The following C16orf89 variants were observed in gnomAD, a reference collection of about 807,000 sequenced individuals.
C16orf89 encodes the protein UPF0764 protein C16orf89.
In C16orf89, 57 loss-of-function variants were observed where a neutral mutation model predicts 41.5. The ratio of observed to expected loss-of-function variants is 1.38; its 90% CI spans 1.11 to 1.71. The LOEUF (loss-of-function observed/expected upper bound fraction) is 1.71. C16orf89 is among the 40% of genes most tolerant of loss of function. The pLI, the probability that C16orf89 is intolerant of heterozygous loss-of-function variation, is 0.00. For missense variants in C16orf89, 575 were observed against 445.9 expected, an observed-to-expected ratio of 1.29 and a Z score of -2.61; for synonymous variants, 223 against 190.6, an observed-to-expected ratio of 1.17 and a Z score of -1.40.
intron 6 of C16orf89, among the ~76,000 whole-genome samples, chr16:5,050,495 T>C (rs1177782096): frequency 6.6e-6 from 1 of 151,990 alleles, no homozygotes; most frequent in Admixed American, 6.6e-5. Flanking sequence ...GAATGTGTAA[T>C]AAAAAGTCTC....
In C16orf89 at chr16:5,044,449, C is replaced by T. The variant is rs1411102979; in HGVS notation, c.985G>A (p.Ala329Thr). Residue 329 changes from alanine (A) to threonine (T), a missense_variant, in exon 8 of 8, where the codon GCA becomes ACA. By Grantham distance (58) the Ala-to-Thr change is moderately conservative (BLOSUM62 0). Transcript: ENST00000472572. ...DGCSSHNTAT[A>T]VAALGGFLYI... The stretch of plus-strand genomic sequence containing the variant: ...AGGAAGCCACCCAGGGCTGCCACTG[C>T]TGTGGCTGTGTTGTGGGAGGAGCAG... 7 of 1,612,822 alleles carry T rather than the reference C, an allele frequency of 4.3e-6. No individual in the cohort carries two copies. In the Admixed American group the frequency reaches 1.2e-4, roughly 27 times the overall value.
chr16:5,047,188 C>G (rs1469853481), intron 7 of C16orf89, among the ~76,000 whole-genome samples: 2 of 152,202 alleles, frequency 1.3e-5, no homozygotes. Context: ...CCTATTAACA[C>G]TGCCTCCTCC....
At chr16:5,060,166 C>T (rs1956586354) in intron 3 of C16orf89, 120 bp downstream of exon 3, 1 of 1,262,784 alleles carries the variant, frequency 7.9e-7, no homozygotes. Flanking sequence ...GGGAGCTGCA[C>T]CTGTGTCTGC....
intron 2 of C16orf89, among the ~76,000 whole-genome samples, chr16:5,062,110 C>A (rs8053916): frequency 6.6e-6 from 1 of 152,138 alleles, no homozygotes; most frequent in African/African-American, 2.4e-5. Context: ...ATACTCTCCC[C>A]TCTGGGACAG....
In C16orf89 at chr16:5,065,119, T is replaced by TGTGC. The variant is rs796074601; in HGVS notation, c.208+578_208+581dup. 1.8e-4 allele frequency among the ~76,000 whole-genome samples: 27 copies of TGTGC among 152,124 alleles called. No homozygotes were observed. In the South Asian group the frequency reaches 5.4e-3, roughly 30 times the overall value. On this transcript the variant is annotated intron_variant, in intron 1 of 7. Transcript: ENST00000472572. The stretch of plus-strand genomic sequence containing the variant: ...CTTGTGTGTGTGATGTGCATGTGTG[T>TGTGC]GTGCGTGCGTGCATGTGTGCTTGTG...
At position 5,062,555 on chromosome 16, in the gene C16orf89, C is replaced by T; in HGVS notation, c.228G>A (p.Arg76=). The T allele has an allele frequency of 6.2e-7, 1 of 1,612,096 alleles. No homozygotes were observed. The highest frequency in any genetic ancestry group is 1.1e-5 in the South Asian group (1 of 90,838). ...RVLEEQLKSV[R]EKWAQEPLLQ... ...GCAGGGGCTCCTGGGCCCACTTCTC[C>T]CGGACACTTTTTAGCTGCTCTGGAA... Residue 76 remains arginine (R), a synonymous_variant, in exon 2 of 8, where the codon CGG becomes CGA. Coordinates refer to ENST00000472572, the MANE Select transcript of C16orf89 (RefSeq NM_001098514.3).
intron 2 of C16orf89, among the ~76,000 whole-genome samples, chr16:5,061,120 G>A (rs1272633100): frequency 1.3e-5 from 2 of 151,202 alleles, no homozygotes; most frequent in Non-Finnish European, 1.5e-5. Context: ...AAATTAGCTG[G>A]GTGTGGTGGC....
chr16:5,045,828 C>CT (rs779315862), intron 7 of C16orf89, among the ~76,000 whole-genome samples: 5 of 152,164 alleles, frequency 3.3e-5, no homozygotes, highest in Non-Finnish European at 5.9e-5. Flanking sequence ...CCTCCTGCTC[C>CT]GTGGGCTTGT....
Position 5,046,584 on chromosome 16 carries a change from C to T in C16orf89, c.955+1294G>A, listed in dbSNP as rs189266970. Among the ~76,000 whole-genome samples the T allele has an allele frequency of 5.8e-3, 882 of 152,216 alleles. 11 individuals carry two copies. Among genetic ancestry groups the T allele is most frequent in the African/African-American group, 0.02 (844 of 41,516 alleles). On this transcript the variant is annotated intron_variant, in intron 7 of 7. Transcript: ENST00000472572. ...CAGGCTGGTCTCAAACTTCTGACCTCAGGTGTTCCACCCGCCTTAGCCTCC... is the reference window on the plus strand; with the variant it reads ...CAGGCTGGTCTCAAACTTCTGACCTTAGGTGTTCCACCCGCCTTAGCCTCC...
intron 6 of C16orf89, among the ~76,000 whole-genome samples, chr16:5,054,580 A>C (rs528356883): frequency 9.2e-4 from 140 of 152,254 alleles, no homozygotes; most frequent in African/African-American, 3.1e-3. Flanking sequence ...TAGAGCCTAG[A>C]TGGTGTCTGG....
chr16:5,060,139 A>C, intron 3 of C16orf89, 147 bp downstream of exon 3: 2 of 963,326 alleles, frequency 2.1e-6, no homozygotes, highest in African/African-American at 3.3e-5. Context: ...AGGAGAGGGC[A>C]GTACCCGGCA....
chr16:5,060,576 C>T, intron 2 of C16orf89, 140 bp from the exon 3 acceptor site: 3 of 865,528 alleles, frequency 3.5e-6, no homozygotes, highest in Non-Finnish European at 5.0e-6. Context: ...CCCCTGGTCC[C>T]AGATTGGGTT....
intron 7 of C16orf89, among the ~76,000 whole-genome samples, chr16:5,046,984 A>G (rs2142600868): frequency 6.6e-6 from 1 of 152,280 alleles, no homozygotes; most frequent in Admixed American, 6.5e-5. Flanking sequence ...TCACTTGCCC[A>G]TTCATTGGCT....
chr16:5,049,905 C>G (rs189406543), intron 6 of C16orf89, among the ~76,000 whole-genome samples: 298 of 151,522 alleles, frequency 2.0e-3, no homozygotes, highest in African/African-American at 6.7e-3. Context: ...ATCAATGAAA[C>G]AAAAAGTTGG....
rs531301214 is a variant in C16orf89 at position 5,055,938 on chromosome 16, C to CGTGTGT, written c.763+109_763+114dup. ...TTTTACTTGCTTAATCTGGCAACTC[C>CGTGTGT]GTGTGTGTGTGTGTGTGTGTGTGTG... On this transcript the variant is annotated intron_variant, in intron 5 of 7. Transcript: ENST00000472572. The CGTGTGT allele has an allele frequency of 3.4e-3, 3,053 of 907,310 alleles. 25 individuals carry two copies. Among genetic ancestry groups the CGTGTGT allele is most frequent in the East Asian group, 0.015 (432 of 29,788 alleles). 56.2% of individuals were successfully genotyped at this position (907,310 alleles called of 1,614,324 possible). A position where few individuals can be genotyped will look rare whatever the true frequency, so the allele number is the denominator to read the frequency against.
At position 5,055,736 on chromosome 16, in the gene C16orf89, G is replaced by C. The variant is rs1596694654; in HGVS notation, c.763+317C>G. On this transcript the variant is annotated intron_variant, in intron 5 of 7. Transcript: ENST00000472572. ...TCACTGGGGCAGCCTTTGGGGGCAGGAAACTGTCACACAGTGGCAGGTAAA... is the reference window on the plus strand; with the variant it reads ...TCACTGGGGCAGCCTTTGGGGGCAGCAAACTGTCACACAGTGGCAGGTAAA... The C allele has an allele frequency of 2.0e-6, 3 of 1,535,218 alleles. No homozygotes were observed. The East Asian group carries it at 7.3e-5, about 38-fold the overall frequency.
chr16:5,044,901 G>C (rs559588471), intron 7 of C16orf89: 1 of 1,247,440 alleles, frequency 8.0e-7, no homozygotes, highest in Admixed American at 3.3e-5. Flanking sequence ...GACGCTGAGT[G>C]GGTGCTTCGG....
At chr16:5,050,927 C>T (rs2142618353) in intron 6 of C16orf89, among the ~76,000 whole-genome samples, 1 of 152,236 alleles carries the variant, frequency 6.6e-6, no homozygotes, top group Non-Finnish European at 1.5e-5. Flanking sequence ...TGATACATTA[C>T]ACCAATAGAA....
At chr16:5,059,246 ATC>A (rs374158182) in intron 3 of C16orf89, among the ~76,000 whole-genome samples, 7 of 151,098 alleles carry the variant, frequency 4.6e-5, no homozygotes, top group African/African-American at 1.7e-4. Context: ...GCGAGACTCC[ATC>A]TCAAAATAAA....
Sources: gnomAD v4.1 joint callset for allele counts (sites outside exome capture counted in the v4.1 genomes callset) on GRCh38, gnomAD v4.1.1 for gene constraint, MANE v1.5 for transcripts, NCBI Gene and HGNC (gene_info 2026-07-23, HGNC 2026-07-21) for gene names.